Variants in TVP23C observed in about 807,000 individuals in gnomAD.
TVP23C encodes trans-golgi network vesicle protein 23 homolog C.
TVP23C carries 19 observed loss-of-function variants against 28.7 expected under a neutral mutation model. The observed-to-expected ratio is 0.66, with a 90% CI of 0.46 to 0.97. TVP23C has a LOEUF of 0.97. Among genes scored for constraint, TVP23C ranks in the 50% least tolerant of loss-of-function variants. The pLI, the probability that TVP23C is intolerant of heterozygous loss-of-function variation, is 0.00. For synonymous variants in TVP23C, 68 were observed against 81.7 expected (o/e 0.83, Z 0.90); for missense variants, 186 against 241.3 (o/e 0.77, Z 1.52).
chr17:15,553,911 A>T, intron 2 of TVP23C, 82 bp from the exon 3 acceptor site: 3 of 1,595,562 alleles, frequency 1.9e-6, no homozygotes, highest in Non-Finnish European at 2.6e-6. Flanking sequence ...TGTTTTAGCC[A>T]TCGTGTAACT....
At chr17:15,530,853 C>T (rs1369490716) in intron 5 of TVP23C, 2 of 151,946 alleles carry the variant, frequency 1.3e-5, no homozygotes, top group Non-Finnish European at 2.9e-5. Flanking sequence ...AGTGATCCTC[C>T]TGCCTCAGCC....
rs1319691040 is a variant in TVP23C, at chr17:15,544,769, ACAATAAGCTTC to A, written c.462+1005_462+1015del. On this transcript the variant is annotated intron_variant, in intron 5 of 5. Coordinates refer to ENST00000518321, the MANE Select transcript of TVP23C (RefSeq NM_001135036.2). ...TAACTACCAGAAGAACTGAAAAAAG[ACAATAAGCTTC>A]CAATAAGCTTCCAAATCCAAAGAAG... 2.6e-5 allele frequency among the ~76,000 whole-genome samples: 4 copies of A among 152,168 alleles called. No homozygotes were observed. The East Asian group carries it at 7.7e-4, about 29-fold the overall frequency.
In TVP23C at chr17:15,506,906, G is replaced by A; in HGVS notation, c.463-3674C>T. On this transcript the variant is annotated intron_variant, in intron 5 of 5. Coordinates refer to the TVP23C transcript ENST00000225576. ...ATGTTCTTCAACATCGCCATCAACG[G>A]GGAGCCCTTGGGCCGCATCTCCTTT... The A allele has an allele frequency of 7.2e-6, 7 of 967,712 alleles. No homozygotes were observed. The Middle Eastern group carries it at 8.8e-4, about 122-fold the overall frequency. The allele number at this position is 967,712 out of a possible 1,614,324, so 59.9% of individuals were successfully genotyped here.
chr17:15,552,443 A>G (rs1357289135), intron 3 of TVP23C, among the ~76,000 whole-genome samples: 3 of 152,210 alleles, frequency 2.0e-5, no homozygotes, highest in Admixed American at 6.5e-5. Context: ...GCACTTTGGG[A>G]GGCTGAGGCG....
chr17:15,511,783 A>G (rs1982016991), intron 5 of TVP23C, among the ~76,000 whole-genome samples: 1 of 152,176 alleles, frequency 6.6e-6, no homozygotes, highest in African/African-American at 2.4e-5. Context: ...CTGGAAAAAT[A>G]CTGGATACTT....
intron 5 of TVP23C, among the ~76,000 whole-genome samples, chr17:15,514,284 T>C (rs1217028823): frequency 6.7e-6 from 1 of 149,002 alleles, no homozygotes; most frequent in East Asian, 1.9e-4. Flanking sequence ...GACAAGTAAG[T>C]AGGGACACTT....
chr17:15,542,685 C>A (rs1262719199), intron 5 of TVP23C, among the ~76,000 whole-genome samples: 3 of 152,066 alleles, frequency 2.0e-5, no homozygotes, highest in Admixed American at 1.3e-4. Context: ...CCGTGTTAGC[C>A]AGGATGGTCT....
chr17:15,554,485 C>G (rs1984042202), intron 2 of TVP23C, among the ~76,000 whole-genome samples: 1 of 152,194 alleles, frequency 6.6e-6, no homozygotes, highest in Non-Finnish European at 1.5e-5. Context: ...GATCCACCTG[C>G]CTCGGCCTCC....
chr17:15,552,344 C>T (rs1432570172), intron 3 of TVP23C, among the ~76,000 whole-genome samples: 2 of 152,162 alleles, frequency 1.3e-5, no homozygotes, highest in East Asian at 3.8e-4. Flanking sequence ...ATGCGGCCTA[C>T]GGAAACTGGC....
At chr17:15,545,259 A>C (rs1379514763) in intron 5 of TVP23C, among the ~76,000 whole-genome samples, 1 of 152,142 alleles carries the variant, frequency 6.6e-6, no homozygotes, top group Admixed American at 6.5e-5. Flanking sequence ...AAGCAGTCCC[A>C]CCACCATGAG....
chr17:15,504,361 G>A (rs930544869), intron 5 of TVP23C, among the ~76,000 whole-genome samples: 1 of 152,202 alleles, frequency 6.6e-6, no homozygotes, highest in Non-Finnish European at 1.5e-5. Flanking sequence ...AGAAAAGAGA[G>A]GCAGAATTGA....
At chr17:15,516,514 C>T (rs1017061828) in intron 5 of TVP23C, 3 of 136,186 alleles carry the variant, frequency 2.2e-5, no homozygotes, top group East Asian at 2.0e-4. Context: ...CTTCCCCCTT[C>T]GTCTTCACAC....
At position 15,560,901 on chromosome 17, in the gene TVP23C, T is replaced by G. The variant is rs1984353031; in HGVS notation, c.12+2536A>C. ...GAGAAATTAAAACACGTTTATATGT[T>G]GATGTGAGCAAACGTTTAAAAGGAT... On this transcript the variant is annotated intron_variant, in intron 1 of 5. Transcript: ENST00000518321. 1.3e-5 allele frequency among the ~76,000 whole-genome samples: 2 copies of G among 150,562 alleles called. 1 individual carries two copies. The highest frequency in any genetic ancestry group is 4.8e-5 in the African/African-American group (2 of 41,338).
At chr17:15,510,138 A>T (rs769146590) in intron 5 of TVP23C, among the ~76,000 whole-genome samples, 3 of 152,092 alleles carry the variant, frequency 2.0e-5, no homozygotes, top group Non-Finnish European at 1.5e-5. Flanking sequence ...ATTGTGTTTG[A>T]TTTGCAGCAA....
chr17:15,544,088 A>C (rs1180169586), intron 5 of TVP23C, among the ~76,000 whole-genome samples: 1 of 152,042 alleles, frequency 6.6e-6, no homozygotes, highest in African/African-American at 2.4e-5. Context: ...AAAACACCTT[A>C]TGAGGAGAGA....
chr17:15,548,186 G>T (rs1166997884), intron 3 of TVP23C, among the ~76,000 whole-genome samples: 2 of 151,890 alleles, frequency 1.3e-5, no homozygotes, highest in African/African-American at 4.8e-5. Context: ...TTGTTTTTGA[G>T]ACAGAGTTTC....
chr17:15,524,523 A>G (rs3933943), intron 5 of TVP23C, among the ~76,000 whole-genome samples: 5 of 152,164 alleles, frequency 3.3e-5, no homozygotes, highest in African/African-American at 1.2e-4. Flanking sequence ...CATGTTCTAG[A>G]TGTGTTTAAA....
At chr17:15,523,788 T>A (rs1982590931) in intron 5 of TVP23C, among the ~76,000 whole-genome samples, 1 of 151,990 alleles carries the variant, frequency 6.6e-6, no homozygotes, top group Non-Finnish European at 1.5e-5. Flanking sequence ...TAATTTTTTG[T>A]ATTTTTAGTA....
intron 5 of TVP23C, among the ~76,000 whole-genome samples, chr17:15,504,688 C>T (rs1981645876): frequency 6.6e-6 from 1 of 152,096 alleles, no homozygotes; most frequent in African/African-American, 2.4e-5. Context: ...CACGCACCAC[C>T]ATGCCCAGCA....
Sources: allele counts gnomAD v4.1 joint callset (sites outside exome capture counted in the v4.1 genomes callset), GRCh38; gene constraint gnomAD v4.1.1; transcripts MANE v1.5; gene names NCBI Gene and HGNC (gene_info 2026-07-23, HGNC 2026-07-21).